The following PIGN variants were observed in gnomAD, a reference collection of about 807,000 sequenced individuals.
PIGN encodes the protein GPI ethanolamine phosphate transferase 1.
A neutral mutation model predicts 125.4 loss-of-function variants in PIGN; 117 were observed. The observed-to-expected ratio is 0.93, with a 90% CI of 0.80 to 1.09. PIGN has a LOEUF of 1.09. PIGN is among the 50% of genes least tolerant of loss of function. The pLI, the probability that PIGN is intolerant of heterozygous loss-of-function variation, is 0.00. For synonymous variants in PIGN, 392 were observed against 377.8 expected (o/e 1.04, Z -0.44); for missense variants, 1,075 against 1,094.9 (o/e 0.98, Z 0.26).
intron 14 of PIGN, among the ~76,000 whole-genome samples, chr18:62,133,030 A>G (rs1385442643): frequency 6.6e-6 from 1 of 152,198 alleles, no homozygotes; most frequent in Non-Finnish European, 1.5e-5. Context: ...GCATACTTTG[A>G]GTACCCACAC....
At chr18:62,165,047 T>C (rs973111242) in intron 1 of PIGN, among the ~76,000 whole-genome samples, 1 of 151,948 alleles carries the variant, frequency 6.6e-6, no homozygotes, top group African/African-American at 2.4e-5. Context: ...TAGTGAGAGG[T>C]GTTTAGGTCA....
At chr18:62,173,467 A>G (rs1343916716) in intron 1 of PIGN, among the ~76,000 whole-genome samples, 1 of 152,116 alleles carries the variant, frequency 6.6e-6, no homozygotes, top group Non-Finnish European at 1.5e-5. Flanking sequence ...CCTGGGCTGA[A>G]GCAATCCTCT....
chr18:62,130,612 T>A (rs1025716755), intron 14 of PIGN, among the ~76,000 whole-genome samples: 1 of 152,212 alleles, frequency 6.6e-6, no homozygotes, highest in Non-Finnish European at 1.5e-5. Flanking sequence ...TTCATTTTTT[T>A]AATGGTTACT....
At chr18:62,101,308 A>G (rs2034429926) in intron 21 of PIGN, 125 bp from the exon 22 acceptor site, 7 of 644,372 alleles carry the variant, frequency 1.1e-5, no homozygotes, top group Middle Eastern at 3.3e-4. Context: ...CTTGGAATCA[A>G]TGAAATACAG....
rs1245599011 is a variant in PIGN at position 62,088,602 on chromosome 18, A to T, written c.2370+154T>A. 7.4e-6 allele frequency: 4 copies of T among 543,074 alleles called. No homozygotes were observed. The South Asian group carries it at 9.8e-5, about 13-fold the overall frequency. The allele number at this position is 543,074 out of a possible 1,614,324, so 33.6% of individuals were successfully genotyped here. On this transcript the variant is annotated intron_variant, in intron 25 of 30. Transcript: ENST00000640252. Reference sequence around the variant, plus strand: ...TTATACTTTTCTATAGTTCAAAAAAATTTTTAATGTGAATTACATGAGAAA... The same window carrying T: ...TTATACTTTTCTATAGTTCAAAAAATTTTTTAATGTGAATTACATGAGAAA...
intron 30 of PIGN, among the ~76,000 whole-genome samples, chr18:62,048,673 T>G (rs28778031): frequency 0.31 from 45,266 of 147,328 alleles, 8,164 homozygotes; most frequent in East Asian, 0.63. Context: ...CCTAAAAGAA[T>G]GTCTGAAGGA....
chr18:62,082,782 G>A, intron 27 of PIGN, 36 bp from the exon 28 acceptor site: 1 of 1,077,392 alleles, frequency 9.3e-7, no homozygotes, highest in Non-Finnish European at 1.4e-6. Context: ...AGGAATAACT[G>A]AAGCATCTGA....
intron 7 of PIGN, among the ~76,000 whole-genome samples, chr18:62,150,692 A>AT (rs113980926): frequency 0.27 from 35,865 of 134,324 alleles, 4,554 homozygotes; most frequent in Middle Eastern, 0.45. Context: ...ATGAAGAGTT[A>AT]TTTTTTTTGT....
chr18:62,159,853 G>A (rs181021503), intron 4 of PIGN, among the ~76,000 whole-genome samples: 4 of 152,306 alleles, frequency 2.6e-5, no homozygotes, highest in East Asian at 3.9e-4. Context: ...GGTGGCTCAC[G>A]CCTGTAATCC....
In PIGN at chr18:62,049,550, G is replaced by GTTCA. The variant is rs1555671289; in HGVS notation, c.2673-3572_2673-3571insTGAA. On this transcript the variant is annotated intron_variant, in intron 30 of 30. Coordinates refer to ENST00000640252, the MANE Select transcript of PIGN (RefSeq NM_176787.5). ...CCTTCGCCCACTTTTTGATGGGGTT[G>GTTCA]TTTTTTTCTTGTAAATTTGTTTGAG... is the stretch of plus-strand genomic sequence containing the variant. Among the ~76,000 whole-genome samples the GTTCA allele has an allele frequency of 6.3e-3, 948 of 150,938 alleles. 13 individuals carry two copies. Among genetic ancestry groups the GTTCA allele is most frequent in the East Asian group, 0.046 (230 of 4,948 alleles).
At chr18:62,133,906 T>G (rs2035830882) in intron 14 of PIGN, among the ~76,000 whole-genome samples, 1 of 152,208 alleles carries the variant, frequency 6.6e-6, no homozygotes, top group Non-Finnish European at 1.5e-5. Flanking sequence ...GACCAAAAAC[T>G]TTTACATGTG....
At chr18:62,127,748 T>C (rs1294419759) in intron 14 of PIGN, among the ~76,000 whole-genome samples, 1 of 152,052 alleles carries the variant, frequency 6.6e-6, no homozygotes, top group African/African-American at 2.4e-5. Flanking sequence ...TGGAACGCAG[T>C]GGTGTGACTG....
intron 23 of PIGN, among the ~76,000 whole-genome samples, chr18:62,022,017 G>T (rs988129239): frequency 6.6e-6 from 1 of 152,104 alleles, no homozygotes; most frequent in Non-Finnish European, 1.5e-5. Context: ...TTAGCTCTTA[G>T]TCCTTGAGGC....
chr18:62,105,731 T>C, intron 19 of PIGN, 97 bp from the exon 20 acceptor site: 4 of 625,092 alleles, frequency 6.4e-6, no homozygotes, highest in South Asian at 2.5e-5. Context: ...AAAAGGAAAA[T>C]GCAAAGCCTT....
At chr18:62,030,432 G>A (rs934249078) in intron 23 of PIGN, among the ~76,000 whole-genome samples, 13 of 152,158 alleles carry the variant, frequency 8.5e-5, no homozygotes, top group African/African-American at 2.7e-4. Context: ...AGGACAACCG[G>A]GTTTATCATA....
At chr18:62,181,266 T>C (rs1430359254) in intron 1 of PIGN, among the ~76,000 whole-genome samples, 1 of 152,210 alleles carries the variant, frequency 6.6e-6, no homozygotes, top group Non-Finnish European at 1.5e-5. Context: ...CTGAAAAGGA[T>C]ACATCTCATA....
intron 30 of PIGN, among the ~76,000 whole-genome samples, chr18:62,064,640 C>A (rs1488676997): frequency 6.6e-6 from 1 of 152,166 alleles, no homozygotes; most frequent in South Asian, 2.1e-4. Flanking sequence ...TTTCATGAGA[C>A]TCAATGAGAT....
chr18:62,053,431 C>CTT (rs2031475982), intron 30 of PIGN, among the ~76,000 whole-genome samples: 2 of 152,136 alleles, frequency 1.3e-5, no homozygotes, highest in African/African-American at 4.8e-5. Flanking sequence ...AAATGGCAGA[C>CTT]TTAAGCCCTA....
At chr18:62,073,969 C>G (rs979924242) in intron 29 of PIGN, among the ~76,000 whole-genome samples, 10 of 152,114 alleles carry the variant, frequency 6.6e-5, no homozygotes, top group Non-Finnish European at 1.5e-5. Flanking sequence ...AGCTGTATCC[C>G]CAGAAGGGAT....
Sources: allele counts gnomAD v4.1 joint callset (sites outside exome capture counted in the v4.1 genomes callset), GRCh38; gene constraint gnomAD v4.1.1; transcripts MANE v1.5; gene names NCBI Gene and HGNC (gene_info 2026-07-23, HGNC 2026-07-21).